Variants in PRKG1 observed in about 807,000 individuals in gnomAD.
PRKG1 encodes protein kinase cGMP-dependent 1, also known as cGMP-dependent protein kinase 1.
A neutral mutation model predicts 88.1 loss-of-function variants in PRKG1; 35 were observed. The ratio of observed to expected loss-of-function variants is 0.40; its 90% CI spans 0.30 to 0.53. The LOEUF (loss-of-function observed/expected upper bound fraction) is 0.53. Among genes scored for constraint, PRKG1 ranks in the 20% least tolerant of loss-of-function variants. PRKG1 has a pLI of 0.59. For missense variants in PRKG1, 540 were observed against 839.8 expected (o/e 0.64, Z 4.41); for synonymous variants, 303 against 292.5 (o/e 1.04, Z -0.37).
At chr10:51,968,158 T>C (rs1486949489) in intron 5 of PRKG1, among the ~76,000 whole-genome samples, 1 of 152,196 alleles carries the variant, frequency 6.6e-6, no homozygotes. Flanking sequence ...GAGATGCAGA[T>C]CTTGCCTTAT....
At chr10:51,343,954 G>C (rs990824963) in intron 2 of PRKG1, among the ~76,000 whole-genome samples, 1 of 152,134 alleles carries the variant, frequency 6.6e-6, no homozygotes, top group Non-Finnish European at 1.5e-5. Context: ...GAAAAGCCTA[G>C]ATAATGTATG....
At chr10:51,407,563 G>A (rs534391934) in intron 2 of PRKG1, among the ~76,000 whole-genome samples, 3 of 152,316 alleles carry the variant, frequency 2.0e-5, no homozygotes, top group South Asian at 2.1e-4. Context: ...AACTCATCAC[G>A]TGGTTGTGGA....
intron 2 of PRKG1, among the ~76,000 whole-genome samples, chr10:51,211,215 C>T (rs937256168): frequency 7.2e-5 from 11 of 152,096 alleles, no homozygotes; most frequent in Middle Eastern, 6.8e-3. Context: ...CGACAAAAAC[C>T]ACATGACTAT....
chr10:52,189,326 A>G (rs1839303600), intron 9 of PRKG1, among the ~76,000 whole-genome samples: 1 of 152,126 alleles, frequency 6.6e-6, no homozygotes, highest in Non-Finnish European at 1.5e-5. Context: ...ATGTTTGTGA[A>G]CTGAGGAGGC....
chr10:51,656,819 C>G (rs1354536546), intron 3 of PRKG1, among the ~76,000 whole-genome samples: 1 of 152,106 alleles, frequency 6.6e-6, no homozygotes. Flanking sequence ...CAACAGGACT[C>G]CTTATCATTT....
intron 3 of PRKG1, among the ~76,000 whole-genome samples, chr10:51,781,378 G>A (rs1376287503): frequency 6.6e-6 from 1 of 152,046 alleles, no homozygotes; most frequent in Non-Finnish European, 1.5e-5. Context: ...TTTAAGAAAG[G>A]CTGTTTCCCC....
At chr10:51,696,256 T>G (rs1256569251) in intron 3 of PRKG1, 1 of 138,470 alleles carries the variant, frequency 7.2e-6, no homozygotes, top group Non-Finnish European at 1.5e-5. Flanking sequence ...TGTTAAATGC[T>G]CTTTAAAGGT....
intron 2 of PRKG1, among the ~76,000 whole-genome samples, chr10:51,264,743 C>G (rs1174616085): frequency 6.6e-6 from 1 of 152,080 alleles, no homozygotes; most frequent in Non-Finnish European, 1.5e-5. Context: ...TAAACAAAAT[C>G]AAAGAGAACC....
intron 3 of PRKG1, among the ~76,000 whole-genome samples, chr10:51,734,986 A>T (rs1837227089): frequency 6.6e-6 from 1 of 152,100 alleles, no homozygotes; most frequent in Non-Finnish European, 1.5e-5. Flanking sequence ...TTGTGGGAGG[A>T]TTTCTGGAGA....
At chr10:51,393,585 A>G (rs1481923883) in intron 2 of PRKG1, among the ~76,000 whole-genome samples, 2 of 152,218 alleles carry the variant, frequency 1.3e-5, no homozygotes, top group Non-Finnish European at 1.5e-5. Context: ...ATCTACAGAA[A>G]TATGAATGTG....
intron 2 of PRKG1, among the ~76,000 whole-genome samples, chr10:51,209,619 A>G (rs1429080924): frequency 6.6e-5 from 10 of 152,162 alleles, no homozygotes; most frequent in Admixed American, 6.6e-4. Flanking sequence ...TTTTTTATTC[A>G]TATCTTATTT....
In PRKG1 at chr10:52,198,986, G is replaced by A. The variant is rs985984405; in HGVS notation, c.1076+37023G>A. On this transcript the variant is annotated intron_variant, in intron 9 of 17. Transcript: ENST00000373980. ...AGTTAACTGGCTATGTTAGCACTGC[G>A]TATCATGGCCACTTTTGCCTTTCAG... Among the ~76,000 whole-genome samples, 11 of 152,136 alleles carry A rather than the reference G, an allele frequency of 7.2e-5. No individual in the cohort carries two copies. In the South Asian group the frequency reaches 1.2e-3, roughly 17 times the overall value.
chr10:51,819,325 A>G (rs1240899440), intron 4 of PRKG1, among the ~76,000 whole-genome samples: 1 of 152,064 alleles, frequency 6.6e-6, no homozygotes, highest in Non-Finnish European at 1.5e-5. Context: ...CATCCTGCCC[A>G]GGGCATTAAT....
intron 2 of PRKG1, among the ~76,000 whole-genome samples, chr10:51,211,461 G>T (rs1166914795): frequency 6.6e-6 from 1 of 152,150 alleles, no homozygotes; most frequent in Non-Finnish European, 1.5e-5. Flanking sequence ...GGAAGTTCTG[G>T]ACAGGGCAGT....
chr10:51,485,142 G>T (rs561573266), intron 3 of PRKG1, among the ~76,000 whole-genome samples: 3 of 152,102 alleles, frequency 2.0e-5, no homozygotes, highest in Non-Finnish European at 4.4e-5. Context: ...TAATACTGAG[G>T]TACCTTTTGG....
At chr10:51,640,996 T>TGTGGTCCATTTGCCATTAGTGGTC (rs1174477891) in intron 3 of PRKG1, among the ~76,000 whole-genome samples, 2 of 152,102 alleles carry the variant, frequency 1.3e-5, no homozygotes, top group African/African-American at 2.4e-5. Flanking sequence ...ATTAGGCAAA[T>TGTGGTCCATTTGCCATTAGTGGTC]ACATGCCATT....
At chr10:50,994,707 T>G (rs887498369) in intron 1 of PRKG1, among the ~76,000 whole-genome samples, 2 of 152,024 alleles carry the variant, frequency 1.3e-5, no homozygotes, top group African/African-American at 4.8e-5. Flanking sequence ...ATACCCAGTT[T>G]TTATACCAAC....
intron 2 of PRKG1, among the ~76,000 whole-genome samples, chr10:51,285,492 T>G (rs1393458524): frequency 1.3e-5 from 2 of 152,154 alleles, no homozygotes; most frequent in Non-Finnish European, 2.9e-5. Context: ...GCTTTATCTC[T>G]AAGAAGATAT....
At chr10:51,686,167 G>T (rs190685638) in intron 3 of PRKG1, among the ~76,000 whole-genome samples, 1 of 151,384 alleles carries the variant, frequency 6.6e-6, no homozygotes, top group East Asian at 1.9e-4. Flanking sequence ...TTAACTTTTA[G>T]GTTCAGGGGT....
Sources: gnomAD v4.1 joint callset for allele counts (sites outside exome capture counted in the v4.1 genomes callset) on GRCh38, gnomAD v4.1.1 for gene constraint, MANE v1.5 for transcripts, NCBI Gene and HGNC (gene_info 2026-07-23, HGNC 2026-07-21) for gene names.